Variants in CAB39 observed in about 807,000 individuals in gnomAD.
CAB39 encodes calcium binding protein 39.
A neutral mutation model predicts 40.0 loss-of-function variants in CAB39; 8 were observed. That is an observed-to-expected ratio of 0.20 (90% CI 0.12 to 0.36). The LOEUF is 0.36. CAB39 is among the 10% of genes least tolerant of loss of function. CAB39 has a pLI of 1.00. For synonymous variants in CAB39, 156 were observed against 141.6 expected (o/e 1.10, Z -0.72); for missense variants, 270 against 401.1 (o/e 0.67, Z 2.79).
chr2:230,746,901 TA>T (rs1368740048), intron 1 of CAB39, among the ~76,000 whole-genome samples: 5 of 152,316 alleles, frequency 3.3e-5, no homozygotes, highest in Admixed American at 2.6e-4. Flanking sequence ...AAATGACTGT[TA>T]ATATACAACT....
intron 1 of CAB39, among the ~76,000 whole-genome samples, chr2:230,729,743 GAAAAA>G (rs74770314): frequency 7.9e-6 from 1 of 126,166 alleles, no homozygotes; most frequent in Non-Finnish European, 1.7e-5. Context: ...CTGTCTTAAG[GAAAAA>G]AAAAAAAAAA....
chr2:230,736,332 A>G (rs1178305171), intron 1 of CAB39, among the ~76,000 whole-genome samples: 1 of 152,142 alleles, frequency 6.6e-6, no homozygotes, highest in Non-Finnish European at 1.5e-5. Flanking sequence ...TTTGCCTGTC[A>G]TTTTAGGGAA....
intron 1 of CAB39, among the ~76,000 whole-genome samples, chr2:230,721,299 C>T (rs907870404): frequency 6.6e-5 from 10 of 152,166 alleles, no homozygotes; most frequent in Non-Finnish European, 1.5e-5. Context: ...GGCATGGTGT[C>T]AGGTGCCTGT....
intron 1 of CAB39, among the ~76,000 whole-genome samples, chr2:230,758,863 A>G (rs1330514377): frequency 6.6e-6 from 1 of 152,204 alleles, no homozygotes; most frequent in Non-Finnish European, 1.5e-5. Flanking sequence ...GAGACTGTTT[A>G]GTGCCTGTGA....
intron 5 of CAB39, among the ~76,000 whole-genome samples, chr2:230,804,880 A>G (rs1171860734): frequency 6.6e-6 from 1 of 152,242 alleles, no homozygotes; most frequent in Non-Finnish European, 1.5e-5. Flanking sequence ...CATTTGACCC[A>G]GTGATCCCAT....
chr2:230,749,750 A>G (rs1695053858), intron 1 of CAB39, among the ~76,000 whole-genome samples: 1 of 152,198 alleles, frequency 6.6e-6, no homozygotes. Flanking sequence ...TTAAATAACT[A>G]TTCAGTGGCC....
chr2:230,812,279 G>C (rs1042762708), intron 6 of CAB39, among the ~76,000 whole-genome samples: 3 of 152,178 alleles, frequency 2.0e-5, no homozygotes, highest in Non-Finnish European at 4.4e-5. Context: ...AGTCATTGCC[G>C]TGGCATTGCA....
intron 5 of CAB39, among the ~76,000 whole-genome samples, chr2:230,799,721 T>C (rs889365529): frequency 3.9e-5 from 6 of 152,228 alleles, no homozygotes; most frequent in African/African-American, 1.4e-4. Flanking sequence ...CCAGGCGCAG[T>C]GGCTCGTGCC....
chr2:230,798,014 A>G (rs552272698), intron 4 of CAB39, among the ~76,000 whole-genome samples: 5 of 152,186 alleles, frequency 3.3e-5, no homozygotes, highest in Non-Finnish European at 7.3e-5. Context: ...GCTTGTGCAC[A>G]TCTGAAGGGG....
chr2:230,721,914 G>A (rs1694460413), intron 1 of CAB39, among the ~76,000 whole-genome samples: 1 of 152,144 alleles, frequency 6.6e-6, no homozygotes, highest in Non-Finnish European at 1.5e-5. Context: ...AGGTTCTACT[G>A]GAACACAGGT....
chr2:230,743,899 A>G (rs999771380), intron 1 of CAB39, among the ~76,000 whole-genome samples: 1 of 150,166 alleles, frequency 6.7e-6, no homozygotes. Flanking sequence ...AAAGTCACAG[A>G]GCTCTGATAC....
intron 1 of CAB39, among the ~76,000 whole-genome samples, chr2:230,722,017 A>G (rs949699813): frequency 1.8e-4 from 28 of 151,476 alleles, no homozygotes; most frequent in African/African-American, 6.0e-4. Context: ...TTGGAATTCA[A>G]CTAAGATTGT....
intron 7 of CAB39, among the ~76,000 whole-genome samples, chr2:230,815,263 C>T (rs545224650): frequency 6.6e-6 from 1 of 152,256 alleles, no homozygotes; most frequent in East Asian, 1.9e-4. Flanking sequence ...TCCAGCCAGG[C>T]CCCTTGCTTT....
intron 2 of CAB39, among the ~76,000 whole-genome samples, chr2:230,770,840 CT>C (rs760614682): frequency 5.3e-5 from 8 of 151,968 alleles, no homozygotes; most frequent in Non-Finnish European, 1.2e-4. Context: ...GCATCTATTC[CT>C]GATAAAAAAA....
chr2:230,759,890 T>G (rs1203499274), intron 1 of CAB39, 69 bp from the exon 2 acceptor site: 10 of 578,058 alleles, frequency 1.7e-5, no homozygotes, highest in Non-Finnish European at 1.9e-5. Flanking sequence ...CTTCCCAGAT[T>G]AGGATTTAGA....
intron 7 of CAB39, among the ~76,000 whole-genome samples, chr2:230,814,622 A>T (rs1158474994): frequency 6.6e-6 from 1 of 152,230 alleles, no homozygotes; most frequent in Non-Finnish European, 1.5e-5. Context: ...CCATGGGCTA[A>T]ATCCAGCCAG....
chr2:230,731,027 A>G (rs1694679369), intron 1 of CAB39, among the ~76,000 whole-genome samples: 1 of 152,208 alleles, frequency 6.6e-6, no homozygotes, highest in South Asian at 2.1e-4. Context: ...TCAATGTTTT[A>G]TCCCCAGATT....
intron 1 of CAB39, among the ~76,000 whole-genome samples, chr2:230,757,112 CCTT>C (rs1359302635): frequency 2.0e-5 from 3 of 151,874 alleles, no homozygotes; most frequent in Non-Finnish European, 2.9e-5. Context: ...TTCTTTTCCT[CCTT>C]ATTTAAATTT....
At chr2:230,774,480 G>A (rs1245597058) in intron 2 of CAB39, among the ~76,000 whole-genome samples, 1 of 152,130 alleles carries the variant, frequency 6.6e-6, no homozygotes, top group Non-Finnish European at 1.5e-5. Context: ...GGGCAGGGGT[G>A]GGGTGGGACT....
Sources: allele counts gnomAD v4.1 joint callset (sites outside exome capture counted in the v4.1 genomes callset), GRCh38; gene constraint gnomAD v4.1.1; transcripts MANE v1.5; gene names NCBI Gene and HGNC (gene_info 2026-07-23, HGNC 2026-07-21).